GRIP1: variants seen among roughly 807,000 people sequenced by gnomAD.
GRIP1 encodes the protein glutamate receptor-interacting protein 1.
In GRIP1, 45 loss-of-function variants were observed where a neutral mutation model predicts 129.9. That is an observed-to-expected ratio of 0.35 (90% CI 0.27 to 0.44). GRIP1 has a LOEUF of 0.44. GRIP1 is among the 20% of genes least tolerant of loss of function. GRIP1 has a pLI of 1.00. For missense variants in GRIP1, 1,196 were observed against 1,396.8 expected (o/e 0.86, Z 2.29); for synonymous variants, 530 against 520.8 (o/e 1.02, Z -0.24).
At chr12:66,368,103 G>A (rs1426828443) in intron 23 of GRIP1, among the ~76,000 whole-genome samples, 6 of 152,204 alleles carry the variant, frequency 3.9e-5, no homozygotes, top group African/African-American at 1.2e-4. Context: ...AGGAAGAGAA[G>A]TGGTAGGAAG....
At chr12:66,850,612 A>G (rs2137076886) in intron 1 of GRIP1, among the ~76,000 whole-genome samples, 1 of 152,198 alleles carries the variant, frequency 6.6e-6, no homozygotes, top group African/African-American at 2.4e-5. Context: ...GTTCTTAGGA[A>G]CACCAAGAGG....
At chr12:66,943,346 GGAGA>G (rs984059392) in intron 1 of GRIP1, among the ~76,000 whole-genome samples, 6 of 152,186 alleles carry the variant, frequency 3.9e-5, no homozygotes, top group African/African-American at 1.4e-4. Context: ...CTTGGGATGA[GGAGA>G]GAGAGCACGG....
intron 24 of GRIP1, among the ~76,000 whole-genome samples, chr12:66,352,694 C>CT (rs1435130350): frequency 4.0e-5 from 6 of 148,944 alleles, no homozygotes; most frequent in African/African-American, 1.5e-4. Flanking sequence ...GATCGTGCCA[C>CT]TGCACTCCAG....
At chr12:66,695,270 C>T (rs2035117037) in intron 1 of GRIP1, among the ~76,000 whole-genome samples, 2 of 132,676 alleles carry the variant, frequency 1.5e-5, no homozygotes, top group Admixed American at 1.4e-4. Context: ...TGCAATCTAA[C>T]CTGTTTTTTT....
chr12:67,044,275 A>G (rs900728418), intron 1 of GRIP1, among the ~76,000 whole-genome samples: 1 of 152,230 alleles, frequency 6.6e-6, no homozygotes, highest in Non-Finnish European at 1.5e-5. Flanking sequence ...TTTAATCCCA[A>G]GAACTTTTTC....
intron 24 of GRIP1, among the ~76,000 whole-genome samples, 199 bp from the exon 25 acceptor site, chr12:66,349,445 C>T (rs576090216): frequency 2.9e-4 from 44 of 152,120 alleles, no homozygotes; most frequent in Non-Finnish European, 5.6e-4. Context: ...GTAAGACTCT[C>T]GAGGGCAAGG....
At position 66,444,739 on chromosome 12, in the gene GRIP1, A is replaced by T; in HGVS notation, c.1542-10T>A. Reference sequence around the variant, plus strand: ...CTGTAGCACCCCACATCTAATTTAGAACCACATGTGAGAGGTTGTAGATGG... The same window carrying T: ...CTGTAGCACCCCACATCTAATTTAGTACCACATGTGAGAGGTTGTAGATGG... On this transcript the variant is annotated splice_polypyrimidine_tract_variant and intron_variant, in intron 12 of 24. Coordinates refer to ENST00000359742, the MANE Select transcript of GRIP1 (RefSeq NM_001366722.1). The T allele has an allele frequency of 6.2e-7, 1 of 1,613,876 alleles. No individual in the cohort carries two copies. Among genetic ancestry groups the T allele is most frequent in the South Asian group, 1.1e-5 (1 of 91,082 alleles).
intron 2 of GRIP1, among the ~76,000 whole-genome samples, chr12:66,577,305 T>C (rs2139564854): frequency 6.6e-6 from 1 of 152,216 alleles, no homozygotes; most frequent in East Asian, 1.9e-4. Flanking sequence ...TCAACAGAGA[T>C]GTAAAAAAGC....
chr12:66,530,879 T>C (rs920902709), intron 4 of GRIP1, among the ~76,000 whole-genome samples: 2 of 151,934 alleles, frequency 1.3e-5, no homozygotes, highest in Admixed American at 6.6e-5. Context: ...CATTACCAAG[T>C]AACACATTTT....
At chr12:67,012,990 A>G (rs2042732511) in intron 1 of GRIP1, among the ~76,000 whole-genome samples, 1 of 152,214 alleles carries the variant, frequency 6.6e-6, no homozygotes, top group African/African-American at 2.4e-5. Context: ...TGTCTAAAAG[A>G]AACATTTTCA....
intron 1 of GRIP1, among the ~76,000 whole-genome samples, chr12:66,982,096 G>A (rs566563052): frequency 3.9e-4 from 59 of 152,234 alleles, no homozygotes; most frequent in Non-Finnish European, 7.9e-4. Flanking sequence ...TAGTAACTCT[G>A]TGACTTTGTT....
At chr12:66,517,579 GC>G (rs1024677889) in intron 6 of GRIP1, among the ~76,000 whole-genome samples, 14 of 152,082 alleles carry the variant, frequency 9.2e-5, no homozygotes, top group Non-Finnish European at 2.1e-4. Flanking sequence ...CCTGTGCCAT[GC>G]CCCCTGCAAG....
chr12:66,826,258 C>T (rs528649370), intron 1 of GRIP1, among the ~76,000 whole-genome samples: 3 of 151,942 alleles, frequency 2.0e-5, no homozygotes, highest in Non-Finnish European at 2.9e-5. Context: ...ACAATGAGAA[C>T]ACATGGACAC....
intron 1 of GRIP1, among the ~76,000 whole-genome samples, chr12:66,739,971 A>G (rs1451407666): frequency 6.6e-6 from 1 of 152,138 alleles, no homozygotes; most frequent in Non-Finnish European, 1.5e-5. Flanking sequence ...TCTGTCCCCA[A>G]GTCTGCAGCC....
At chr12:66,918,165 G>T (rs946025748) in intron 1 of GRIP1, among the ~76,000 whole-genome samples, 1 of 151,984 alleles carries the variant, frequency 6.6e-6, no homozygotes, top group African/African-American at 2.4e-5. Flanking sequence ...AAAAGCCTGA[G>T]ATCCAGGAGA....
rs1001909655 is a variant in GRIP1 at position 66,347,810 on chromosome 12, T to C, written c.*1209A>G. On this transcript the variant is annotated 3_prime_UTR_variant, in exon 25 of 25. Transcript: ENST00000359742. ...GGACACAGTGTTCGAATACTTTGCC[T>C]AAGTGGTAGTTTGAATTATTGACCA... 3 of 152,162 alleles carry C rather than the reference T, an allele frequency of 2.0e-5. No homozygotes were observed. The highest frequency in any genetic ancestry group is 4.8e-5 in the African/African-American group (2 of 41,414). The allele number at this position is 152,162 out of a possible 1,614,324, so 9.4% of individuals were successfully genotyped here.
intron 1 of GRIP1, among the ~76,000 whole-genome samples, chr12:66,919,290 G>A (rs1441962605): frequency 3.9e-5 from 6 of 152,132 alleles, no homozygotes; most frequent in Admixed American, 2.0e-4. Context: ...TGAAAGCAGA[G>A]TTAGCAACTG....
At chr12:66,943,977 T>A (rs986749625) in intron 1 of GRIP1, among the ~76,000 whole-genome samples, 1 of 152,182 alleles carries the variant, frequency 6.6e-6, no homozygotes, top group Non-Finnish European at 1.5e-5. Flanking sequence ...AAATCTATCA[T>A]CTCTAATCTT....
chr12:66,560,178 T>C (rs1344356658), intron 2 of GRIP1, among the ~76,000 whole-genome samples: 5 of 152,188 alleles, frequency 3.3e-5, no homozygotes, highest in African/African-American at 9.6e-5. Context: ...TCAAAGTGGA[T>C]TAAAGAATTA....
Sources: allele counts gnomAD v4.1 joint callset (sites outside exome capture counted in the v4.1 genomes callset), GRCh38; gene constraint gnomAD v4.1.1; transcripts MANE v1.5; gene names NCBI Gene and HGNC (gene_info 2026-07-23, HGNC 2026-07-21).